The following OSER1 variants were observed in gnomAD, a reference collection of about 807,000 sequenced individuals.
The protein encoded by OSER1 is oxidative stress responsive serine rich 1, also known as oxidative stress-responsive serine-rich protein 1.
A neutral mutation model predicts 26.3 loss-of-function variants in OSER1; 15 were observed. The observed-to-expected ratio is 0.57, with a 90% CI of 0.38 to 0.88. OSER1 has a LOEUF of 0.88. OSER1 is among the 40% of genes least tolerant of loss of function. OSER1 has a pLI of 0.00. For synonymous variants in OSER1, 127 were observed against 128.2 expected (o/e 0.99, Z 0.07); for missense variants, 313 against 353.9 (o/e 0.88, Z 0.93).
At chr20:44,197,896 C>T (rs1376122774) in intron 3 of OSER1, among the ~76,000 whole-genome samples, 157 bp from the exon 4 acceptor site, 1 of 152,078 alleles carries the variant, frequency 6.6e-6, no homozygotes, top group South Asian at 2.1e-4. Context: ...TTCATGCTGC[C>T]TAAGTCTTTG....
intron 1 of OSER1, among the ~76,000 whole-genome samples, chr20:44,209,491 G>A (rs1050862614): frequency 2.0e-5 from 3 of 152,154 alleles, no homozygotes; most frequent in Admixed American, 6.5e-5. Context: ...GATATAATTG[G>A]CTTGCCTTTC....
intron 2 of OSER1, 29 bp from the exon 3 acceptor site, chr20:44,203,103 C>A: frequency 8.6e-7 from 1 of 1,168,096 alleles, no homozygotes; most frequent in Non-Finnish European, 1.3e-6. Context: ...TTTACAGCTA[C>A]AAAAAACTGT....
intron 1 of OSER1, 73 bp from the exon 2 acceptor site, chr20:44,207,071 G>GAA: frequency 7.9e-6 from 5 of 632,384 alleles, no homozygotes; most frequent in South Asian, 2.2e-5. Context: ...ATTACTGTTA[G>GAA]AAAAAAAAAG....
In OSER1 at chr20:44,197,302, T is replaced by C. The variant is rs755229715; in HGVS notation, c.629A>G (p.His210Arg). The change falls in exon 4 of 4, where the codon CAT becomes CGT. Residue 210 changes from histidine to arginine, a missense_variant. Around this residue, in one of 2 missense-constraint regions of OSER1, gnomAD observed 300 missense variants for 318.3 expected, o/e 0.94. Coordinates refer to ENST00000255174, the MANE Select transcript of OSER1 (RefSeq NM_016470.8). Reference protein sequence around the residue: ...IGKECQCKRWHDMEVYSFSGL... With the variant: ...IGKECQCKRWRDMEVYSFSGL... ...TGAAAAGGAATACACTTCCATATCA[T>C]GCCATCTCTTACACTGGCATTCCTT... 1 of 1,614,002 alleles carries C rather than the reference T, an allele frequency of 6.2e-7. No individual in the cohort carries two copies. Among genetic ancestry groups the C allele is most frequent in the Non-Finnish European group, 8.5e-7 (1 of 1,179,930 alleles).
At chr20:44,201,203 AG>A (rs1261033957) in intron 3 of OSER1, among the ~76,000 whole-genome samples, 1 of 152,252 alleles carries the variant, frequency 6.6e-6, no homozygotes, top group Non-Finnish European at 1.5e-5. Context: ...AGGTATTATA[AG>A]TACTCTAGAG....
intron 3 of OSER1, among the ~76,000 whole-genome samples, chr20:44,200,706 T>A (rs1600492507): frequency 6.6e-6 from 1 of 152,120 alleles, no homozygotes; most frequent in East Asian, 1.9e-4. Context: ...GATAAGAGAA[T>A]CTATGAACAC....
intron 1 of OSER1, among the ~76,000 whole-genome samples, 192 bp downstream of exon 1, chr20:44,210,504 C>T (rs1365047570): frequency 1.3e-5 from 2 of 152,126 alleles, no homozygotes; most frequent in Admixed American, 6.5e-5. Flanking sequence ...GCGTGGAGCT[C>T]GGAGCTCCAG....
intron 2 of OSER1, among the ~76,000 whole-genome samples, chr20:44,205,939 CAA>C (rs3037684): frequency 0.29 from 20,215 of 70,924 alleles, 1,103 homozygotes; most frequent in Non-Finnish European, 0.34. Flanking sequence ...GAATCCGTCT[CAA>C]AAAAAAAAAA....
intron 2 of OSER1, among the ~76,000 whole-genome samples, 162 bp downstream of exon 2, chr20:44,206,719 A>G (rs1016898251): frequency 6.6e-6 from 1 of 152,250 alleles, no homozygotes; most frequent in African/African-American, 2.4e-5. Context: ...TTTTTAAACT[A>G]AAACAATACT....
chr20:44,197,668 T>C lies in OSER1; in HGVS notation c.263A>G (p.His88Arg), dbSNP rs2072935167. 1 of 1,614,042 alleles carries C rather than the reference T, an allele frequency of 6.2e-7. No individual in the cohort carries two copies. Among genetic ancestry groups the C allele is most frequent in the Non-Finnish European group, 8.5e-7 (1 of 1,179,910 alleles). ...ACTGCAATGTATAAACTTTGGAGGA[T>C]GAAGGACAGGAGACTTAGAACGTCG... ...RRRRSKSPVL[H>R]PPKFIHCSTI... The change falls in exon 4 of 4, where the codon CAT becomes CGT. Residue 88 changes from histidine to arginine, a missense_variant. Coordinates refer to ENST00000255174, the MANE Select transcript of OSER1 (RefSeq NM_016470.8).
intron 2 of OSER1, among the ~76,000 whole-genome samples, chr20:44,206,230 A>G (rs2073036807): frequency 1.3e-5 from 2 of 152,342 alleles, no homozygotes; most frequent in South Asian, 2.1e-4. Context: ...TCCAGTGTTT[A>G]GTTTCCATTT....
intron 1 of OSER1, among the ~76,000 whole-genome samples, chr20:44,208,837 A>T (rs1426227226): frequency 6.6e-6 from 1 of 152,154 alleles, no homozygotes; most frequent in East Asian, 1.9e-4. Context: ...AATCTCCCCA[A>T]CCCGCAGACC....
intron 2 of OSER1, among the ~76,000 whole-genome samples, chr20:44,204,984 C>T (rs757480517): frequency 1.3e-5 from 2 of 151,986 alleles, no homozygotes; most frequent in African/African-American, 4.8e-5. Context: ...ACTACAGGCA[C>T]GCACCACCAT....
At chr20:44,207,305 A>C (rs2073048055) in intron 1 of OSER1, 2 of 171,118 alleles carry the variant, frequency 1.2e-5, no homozygotes, top group African/African-American at 2.4e-5. Context: ...GAATCTCCCC[A>C]GTTGGTCTAG....
At chr20:44,198,660 T>C (rs1306142227) in intron 3 of OSER1, among the ~76,000 whole-genome samples, 2 of 151,616 alleles carry the variant, frequency 1.3e-5, no homozygotes, top group African/African-American at 4.8e-5. Context: ...TAAAATTAAA[T>C]AAAGAACTGA....
At chr20:44,207,194 G>C (rs2145938896) in intron 1 of OSER1, 196 bp from the exon 2 acceptor site, 1 of 362,284 alleles carries the variant, frequency 2.8e-6, no homozygotes, top group South Asian at 5.7e-5. Context: ...TACTATGACA[G>C]AATATAAACT....
chr20:44,203,956 T>A (rs2145931051), intron 2 of OSER1, among the ~76,000 whole-genome samples: 1 of 152,286 alleles, frequency 6.6e-6, no homozygotes, highest in African/African-American at 2.4e-5. Flanking sequence ...GAACTTTTAA[T>A]GATATGGGGG....
chr20:44,197,807 A>G, intron 3 of OSER1, 68 bp from the exon 4 acceptor site: 2 of 1,055,618 alleles, frequency 1.9e-6, no homozygotes, highest in Non-Finnish European at 2.8e-6. Flanking sequence ...ATTCTTTATG[A>G]CAGTAGGAAA....
In OSER1 at chr20:44,206,904, T is replaced by C; in HGVS notation, c.54A>G (p.Lys18=). 6.4e-7 allele frequency: 1 copy of C among 1,551,732 alleles called. No homozygotes were observed. Among genetic ancestry groups the C allele is most frequent in the Non-Finnish European group, 8.9e-7 (1 of 1,123,728 alleles). ...ACCCTGATGCATCCACTCTTAATTT[T>C]TTGAAAGCAGTCTGTAGACTCTCCT... ...GEEESLQTAF[K]KLRVDASGSV... Residue 18 remains lysine, a synonymous_variant, in exon 2 of 4, where the codon AAA becomes AAG. Transcript: ENST00000255174.
Sources: allele counts gnomAD v4.1 joint callset (sites outside exome capture counted in the v4.1 genomes callset), GRCh38; gene constraint gnomAD v4.1.1; regional missense constraint gnomAD v4.1.1; transcripts MANE v1.5; gene names NCBI Gene and HGNC (gene_info 2026-07-23, HGNC 2026-07-21).